Variants in RGL1 observed in about 807,000 individuals in gnomAD.
RGL1 encodes ral guanine nucleotide dissociation stimulator like 1.
Under a neutral mutation model 95.2 loss-of-function variants are expected in RGL1, and 24 were observed. The ratio of observed to expected loss-of-function variants is 0.25; its 90% CI spans 0.18 to 0.35. The LOEUF is 0.35. Ranked by LOEUF, RGL1 falls within the 10% of genes least tolerant of loss-of-function variation. RGL1 has a pLI of 1.00. For missense variants in RGL1, 715 were observed against 936.3 expected (o/e 0.76, Z 3.08); for synonymous variants, 329 against 344.9 (o/e 0.95, Z 0.51).
At chr1:183,703,838 T>C (rs1654743328) in intron 1 of RGL1, among the ~76,000 whole-genome samples, 1 of 152,096 alleles carries the variant, frequency 6.6e-6, no homozygotes, top group East Asian at 1.9e-4. Context: ...GAGTGGCAGA[T>C]AGAGCAGGAC....
At chr1:183,640,072 C>T (rs935757383) in intron 1 of RGL1, among the ~76,000 whole-genome samples, 6 of 152,122 alleles carry the variant, frequency 3.9e-5, no homozygotes, top group Non-Finnish European at 8.8e-5. Context: ...GATCTCCTGA[C>T]CTTGTCTGCC....
At chr1:183,865,658 A>G (rs1405254468) in intron 3 of RGL1, among the ~76,000 whole-genome samples, 1 of 152,184 alleles carries the variant, frequency 6.6e-6, no homozygotes, top group African/African-American at 2.4e-5. Flanking sequence ...TACAGAGTTC[A>G]TGAGGAATCT....
At chr1:183,691,178 A>AT (rs1653926173) in intron 1 of RGL1, among the ~76,000 whole-genome samples, 1 of 152,252 alleles carries the variant, frequency 6.6e-6, no homozygotes, top group South Asian at 2.1e-4. Context: ...GCATTTCATC[A>AT]TAAAAACTGA....
At chr1:183,636,652 G>T (rs2101964292) in intron 1 of RGL1, among the ~76,000 whole-genome samples, 1 of 152,264 alleles carries the variant, frequency 6.6e-6, no homozygotes, top group South Asian at 2.1e-4. Context: ...AAAGGGGTGA[G>T]GGTAGGTTAG....
At chr1:183,830,674 G>T (rs1258581356) in intron 2 of RGL1, among the ~76,000 whole-genome samples, 1 of 37,452 alleles carries the variant, frequency 2.7e-5, no homozygotes, top group Non-Finnish European at 5.5e-5. Context: ...GTTGGGAAAA[G>T]AATTCTGGAG....
At position 183,739,093 on chromosome 1, in the gene RGL1, C is replaced by T. The variant is rs571749904; in HGVS notation, c.-32-3033C>T. On this transcript the variant is annotated intron_variant, in intron 1 of 18. Coordinates refer to the RGL1 transcript ENST00000304685. Reference sequence around the variant, plus strand: ...AAAGCATTAAACCAAGCATGAGGCTCTTCTGAGCATGGGGCCCTGTGTGAC... The same window carrying T: ...AAAGCATTAAACCAAGCATGAGGCTTTTCTGAGCATGGGGCCCTGTGTGAC... Among the ~76,000 whole-genome samples the T allele has an allele frequency of 2.3e-4, 35 of 152,350 alleles. 1 individual carries two copies. In the South Asian group the frequency reaches 7.2e-3, roughly 32 times the overall value.
rs1376207393 is a variant in RGL1 at position 183,927,583 on chromosome 1, CA to C, written c.*1292del. 5 of 152,560 alleles carry C rather than the reference CA, an allele frequency of 3.3e-5. No individual in the cohort carries two copies. Among genetic ancestry groups the C allele is most frequent in the African/African-American group, 1.2e-4 (5 of 41,420 alleles). 9.5% of individuals were successfully genotyped at this position (152,560 alleles called of 1,614,324 possible). A position where few individuals can be genotyped will look rare whatever the true frequency, so the allele number is the denominator to read the frequency against. ...TTCCAGGTTCCCGTGCTTGCTATCA[CA>C]GTATCATTGTTAAGTGACACTTTTG... On this transcript the variant is annotated 3_prime_UTR_variant, in exon 18 of 18. Coordinates refer to ENST00000360851, the MANE Select transcript of RGL1 (RefSeq NM_001297671.3).
chr1:183,927,042 C>G lies in RGL1; in HGVS notation c.*750C>G, dbSNP rs999940796. 1 of 152,628 alleles carries G rather than the reference C, an allele frequency of 6.6e-6. No homozygotes were observed. Among genetic ancestry groups the G allele is most frequent in the Non-Finnish European group, 1.5e-5 (1 of 68,054 alleles). The allele number at this position is 152,628 out of a possible 1,614,324, so 9.5% of individuals were successfully genotyped here. On this transcript the variant is annotated 3_prime_UTR_variant, in exon 18 of 18. Transcript: ENST00000360851. ...CTCTGGAGGTGTCAAGCTCCTGAAA[C>G]AAGCTCATTTCAGTTTCTGGCAACC... is the stretch of plus-strand genomic sequence containing the variant.
intron 2 of RGL1, among the ~76,000 whole-genome samples, chr1:183,778,541 A>T (rs939974326): frequency 6.6e-6 from 1 of 152,130 alleles, no homozygotes; most frequent in Non-Finnish European, 1.5e-5. Context: ...ATTTTATATG[A>T]TATGTTTCTG....
Position 183,904,983 on chromosome 1 carries a change from T to G in RGL1, c.1472+12T>G. ...ACAGAGGAGGAGAGGTGGGATCACC[T>G]GTCGTTCATCGGGGTAGAACTGAAG... is the stretch of plus-strand genomic sequence containing the variant. On this transcript the variant is annotated intron_variant, in intron 13 of 17. Transcript: ENST00000360851. 1 of 1,608,602 alleles carries G rather than the reference T, an allele frequency of 6.2e-7. No homozygotes were observed. Among genetic ancestry groups the G allele is most frequent in the Non-Finnish European group, 8.5e-7 (1 of 1,178,462 alleles).
At chr1:183,636,236 T>C in exon 1 of RGL1, 3 of 399,018 alleles carry the variant, frequency 7.5e-6, no homozygotes, top group Non-Finnish European at 1.3e-5. Flanking sequence ...ATGGACTGGC[T>C]GCCGGACCGA....
chr1:183,793,119 A>G (rs1660514997), intron 2 of RGL1, among the ~76,000 whole-genome samples: 2 of 152,116 alleles, frequency 1.3e-5, no homozygotes, highest in Non-Finnish European at 2.9e-5. Flanking sequence ...GAATAGAGAA[A>G]TCAGAAATAA....
At chr1:183,710,082 C>A in intron 1 of RGL1, 1 of 178,318 alleles carries the variant, frequency 5.6e-6, no homozygotes, top group South Asian at 1.1e-4. Flanking sequence ...AGCATAGCCA[C>A]AACTTGCTCT....
rs74130642 is a variant in RGL1, at chr1:183,815,821, A to G, written c.138+9336A>G. On this transcript the variant is annotated intron_variant, in intron 2 of 17. Transcript: ENST00000360851. ...GGTGCTAGGATATGGTGTGCACTCA[A>G]CTCACTGAGTGGTGGGGCTCTCGTC... Among the ~76,000 whole-genome samples, 1,488 of 152,150 alleles carry G rather than the reference A, an allele frequency of 9.8e-3. 27 individuals carry two copies. Among genetic ancestry groups the G allele is most frequent in the African/African-American group, 0.034 (1,393 of 41,484 alleles).
At chr1:183,760,176 A>G (rs1202903231) in intron 2 of RGL1, among the ~76,000 whole-genome samples, 1 of 152,224 alleles carries the variant, frequency 6.6e-6, no homozygotes, top group Non-Finnish European at 1.5e-5. Flanking sequence ...TAATTTAAAA[A>G]TACTGTATTT....
rs940389893 is a variant in RGL1 at position 183,847,853 on chromosome 1, G to C, written c.347+79G>C. ...TGGAGCACGAGGTTCTGAATCACCT[G>C]CACTTGGTATTCGGAGAGAGATATG... is the stretch of plus-strand genomic sequence containing the variant. On this transcript the variant is annotated intron_variant, in intron 3 of 17. Coordinates refer to ENST00000360851, the MANE Select transcript of RGL1 (RefSeq NM_001297671.3). 32 of 1,035,634 alleles carry C rather than the reference G, an allele frequency of 3.1e-5. No individual in the cohort carries two copies. The African/African-American group carries it at 4.6e-4, about 15-fold the overall frequency. The allele number at this position is 1,035,634 out of a possible 1,614,324, so 64.2% of individuals were successfully genotyped here. A position where few individuals can be genotyped will look rare whatever the true frequency, so the allele number is the denominator to read the frequency against.
intron 2 of RGL1, among the ~76,000 whole-genome samples, chr1:183,827,841 A>G (rs900840405): frequency 1.3e-5 from 2 of 152,252 alleles, no homozygotes; most frequent in Admixed American, 6.5e-5. Context: ...TTTAATGTGA[A>G]GGGAAAGTGT....
intron 1 of RGL1, among the ~76,000 whole-genome samples, chr1:183,690,280 G>A (rs1653863296): frequency 2.0e-5 from 3 of 152,192 alleles, no homozygotes; most frequent in Admixed American, 2.0e-4. Flanking sequence ...AATGTTGTAT[G>A]TATGTTTATA....
intron 10 of RGL1, among the ~76,000 whole-genome samples, chr1:183,898,915 A>G (rs933149135): frequency 5.3e-5 from 8 of 152,232 alleles, no homozygotes; most frequent in Admixed American, 6.5e-5. Flanking sequence ...TGTTCTGCCA[A>G]AATTTCCAGA....
Sources: gnomAD v4.1 joint callset for allele counts (sites outside exome capture counted in the v4.1 genomes callset) on GRCh38, gnomAD v4.1.1 for gene constraint, MANE v1.5 for transcripts, NCBI Gene and HGNC (gene_info 2026-07-23, HGNC 2026-07-21) for gene names.